The following GALNTL6 variants were observed in gnomAD, a reference collection of about 807,000 sequenced individuals.
The protein encoded by GALNTL6 is polypeptide N-acetylgalactosaminyltransferase like 6.
In GALNTL6, 46 loss-of-function variants were observed where a neutral mutation model predicts 73.7. The ratio of observed to expected loss-of-function variants is 0.62; its 90% CI spans 0.49 to 0.80. The LOEUF (loss-of-function observed/expected upper bound fraction) is 0.80, where lower values mean the gene tolerates loss of function less well. Among genes scored for constraint, GALNTL6 ranks in the 30% least tolerant of loss-of-function variants. The pLI is 0.00. For missense variants in GALNTL6, 604 were observed against 755.0 expected, an observed-to-expected ratio of 0.80 and a Z score of 2.34; for synonymous variants, 259 against 263.7, an observed-to-expected ratio of 0.98 and a Z score of 0.17.
chr4:172,646,946 C>A (rs1740269429), intron 5 of GALNTL6, among the ~76,000 whole-genome samples: 1 of 151,984 alleles, frequency 6.6e-6, no homozygotes, highest in South Asian at 2.1e-4. Flanking sequence ...CAAATTAATT[C>A]AAGTTAATTT....
intron 2 of GALNTL6, among the ~76,000 whole-genome samples, chr4:171,853,125 A>C (rs1735570441): frequency 6.7e-6 from 1 of 149,184 alleles, no homozygotes; most frequent in Admixed American, 6.9e-5. Flanking sequence ...AGCCTCCCAA[A>C]GTGCTGGGAT....
intron 10 of GALNTL6, among the ~76,000 whole-genome samples, chr4:173,006,977 G>C (rs1233912269): frequency 1.3e-5 from 2 of 152,170 alleles, no homozygotes; most frequent in African/African-American, 4.8e-5. Flanking sequence ...TGAAAGCAGA[G>C]CCCCAGCAGT....
intron 5 of GALNTL6, among the ~76,000 whole-genome samples, chr4:172,459,003 A>G (rs1045064599): frequency 1.3e-5 from 2 of 152,358 alleles, no homozygotes; most frequent in Non-Finnish European, 2.9e-5. Flanking sequence ...CACATCAAAA[A>G]GCTTATCCAC....
intron 5 of GALNTL6, among the ~76,000 whole-genome samples, chr4:172,505,819 C>T (rs1734380200): frequency 1.9e-5 from 1 of 53,976 alleles, no homozygotes; most frequent in Non-Finnish European, 4.3e-5. Context: ...GGTAAGTGCA[C>T]ACTTCCTCCC....
At chr4:172,105,254 A>G (rs1411880655) in intron 2 of GALNTL6, among the ~76,000 whole-genome samples, 1 of 152,102 alleles carries the variant, frequency 6.6e-6, no homozygotes, top group Non-Finnish European at 1.5e-5. Context: ...AATAGAGTAA[A>G]TGACTTAACT....
intron 2 of GALNTL6, among the ~76,000 whole-genome samples, chr4:171,879,967 G>A (rs922894614): frequency 4.6e-5 from 7 of 152,074 alleles, no homozygotes; most frequent in Non-Finnish European, 8.8e-5. Flanking sequence ...TAATTGTTAT[G>A]TATTAATAAA....
intron 2 of GALNTL6, among the ~76,000 whole-genome samples, chr4:172,084,872 A>T (rs113969429): frequency 1.3e-5 from 2 of 152,206 alleles, no homozygotes; most frequent in Admixed American, 1.3e-4. Context: ...CACTGTCAGG[A>T]TAGTATATGA....
intron 2 of GALNTL6, among the ~76,000 whole-genome samples, chr4:172,074,441 G>A (rs980433383): frequency 8.5e-5 from 13 of 152,232 alleles, no homozygotes; most frequent in African/African-American, 2.2e-4. Flanking sequence ...GTGACATCTC[G>A]TGTCACAATG....
intron 5 of GALNTL6, among the ~76,000 whole-genome samples, chr4:172,626,566 A>G (rs1051927201): frequency 1.3e-5 from 2 of 152,030 alleles, no homozygotes; most frequent in Non-Finnish European, 2.9e-5. Flanking sequence ...TAGTAGTTTG[A>G]TAGGAATGGT....
intron 5 of GALNTL6, among the ~76,000 whole-genome samples, chr4:172,569,123 G>A (rs759177344): frequency 1.3e-5 from 2 of 152,054 alleles, no homozygotes; most frequent in African/African-American, 2.4e-5. Context: ...CAGTATAACC[G>A]AAAACCCTAG....
At chr4:172,600,984 A>C (rs1040489651) in intron 5 of GALNTL6, among the ~76,000 whole-genome samples, 6 of 152,178 alleles carry the variant, frequency 3.9e-5, no homozygotes, top group South Asian at 2.1e-4. Flanking sequence ...AAAACAAAAA[A>C]AAATCAATAG....
At chr4:172,268,666 T>G (rs1738534378) in intron 3 of GALNTL6, among the ~76,000 whole-genome samples, 1 of 152,144 alleles carries the variant, frequency 6.6e-6, no homozygotes, top group Admixed American at 6.6e-5. Flanking sequence ...TAACACCCAG[T>G]GTGAAGTCTC....
chr4:173,031,948 C>T (rs900445154), intron 12 of GALNTL6, among the ~76,000 whole-genome samples: 2 of 151,848 alleles, frequency 1.3e-5, no homozygotes, highest in African/African-American at 4.8e-5. Flanking sequence ...AAATGGAGAC[C>T]GAAAAGATGG....
chr4:172,468,680 G>A (rs1467393037), intron 5 of GALNTL6, among the ~76,000 whole-genome samples: 1 of 152,190 alleles, frequency 6.6e-6, no homozygotes, highest in Non-Finnish European at 1.5e-5. Flanking sequence ...AAGGTGGTAG[G>A]TTGTAAGTCA....
At chr4:172,904,287 T>C (rs1746769168) in intron 8 of GALNTL6, among the ~76,000 whole-genome samples, 1 of 152,172 alleles carries the variant, frequency 6.6e-6, no homozygotes, top group Non-Finnish European at 1.5e-5. Context: ...TCAATGTGTT[T>C]ACAGAAGAAA....
chr4:172,035,012 C>T (rs1463823146), intron 2 of GALNTL6, among the ~76,000 whole-genome samples: 2 of 152,072 alleles, frequency 1.3e-5, no homozygotes, highest in Non-Finnish European at 2.9e-5. Flanking sequence ...AATCATGTTA[C>T]TGTCATTACT....
chr4:172,649,453 T>C (rs1430829566), intron 5 of GALNTL6, among the ~76,000 whole-genome samples: 1 of 152,202 alleles, frequency 6.6e-6, no homozygotes. Flanking sequence ...AGACACAAAA[T>C]GAATTTTTAA....
At chr4:172,289,815 C>T (rs913360770) in intron 3 of GALNTL6, among the ~76,000 whole-genome samples, 1 of 152,138 alleles carries the variant, frequency 6.6e-6, no homozygotes, top group Non-Finnish European at 1.5e-5. Context: ...GGTTCAGCAA[C>T]CCTCCTAGAA....
At chr4:172,812,349 G>A (rs570223151) in intron 6 of GALNTL6, among the ~76,000 whole-genome samples, 101 of 152,240 alleles carry the variant, frequency 6.6e-4, no homozygotes, top group African/African-American at 2.4e-3. Flanking sequence ...ACCAAACTTC[G>A]TAACTGTGCT....
Sources: gnomAD v4.1 joint callset for allele counts (sites outside exome capture counted in the v4.1 genomes callset) on GRCh38, gnomAD v4.1.1 for gene constraint, MANE v1.5 for transcripts, NCBI Gene and HGNC (gene_info 2026-07-23, HGNC 2026-07-21) for gene names.